WDFY4: variants seen among roughly 807,000 people sequenced by gnomAD.
WDFY4 encodes the protein WD repeat- and FYVE domain-containing protein 4.
In WDFY4, 169 loss-of-function variants were observed where a neutral mutation model predicts 351.9. The observed-to-expected ratio is 0.48, with a 90% CI of 0.42 to 0.55. The LOEUF (loss-of-function observed/expected upper bound fraction) is 0.55, where lower values mean the gene tolerates loss of function less well. Among genes scored for constraint, WDFY4 ranks in the 20% least tolerant of loss-of-function variants. WDFY4 has a pLI of 0.00. For synonymous variants in WDFY4, 1,622 were observed against 1,574.6 expected, an observed-to-expected ratio of 1.03 and a Z score of -0.71; for missense variants, 3,803 against 3,935.6, an observed-to-expected ratio of 0.97 and a Z score of 0.90.
chr10:48,788,328 C>T (rs2066563483), intron 20 of WDFY4, among the ~76,000 whole-genome samples: 2 of 152,108 alleles, frequency 1.3e-5, no homozygotes, highest in Admixed American at 6.6e-5. Flanking sequence ...CATGCCCAGC[C>T]CACGGTTTTC....
chr10:48,890,765 G>A, intron 44 of WDFY4, 38 bp downstream of exon 44: 2 of 1,550,474 alleles, frequency 1.3e-6, no homozygotes, highest in Non-Finnish European at 1.7e-6. Context: ...TCTTCCCTGA[G>A]CCCCATTCAT....
chr10:48,841,187 G>A (rs576263488), intron 39 of WDFY4, among the ~76,000 whole-genome samples: 32 of 152,310 alleles, frequency 2.1e-4, no homozygotes, highest in African/African-American at 7.2e-4. Flanking sequence ...GCTGCTAGTG[G>A]TATATATTAA....
intron 47 of WDFY4, chr10:48,914,007 C>T: frequency 6.2e-7 from 1 of 1,614,212 alleles, no homozygotes. Context: ...GTCCATGTCA[C>T]TAAGGCGCAG....
chr10:48,957,097 G>T, intron 51 of WDFY4, 32 bp from the exon 52 acceptor site: 1 of 1,538,466 alleles, frequency 6.5e-7, no homozygotes. Context: ...GCCAGTGAGA[G>T]CGGCTGGTCA....
Position 48,768,723 on chromosome 10 carries a change from A to AAGAGAGATAGAG in WDFY4, c.2554-5728_2554-5727insTAGAGAGAGAGA, listed in dbSNP as rs1555000838. ...CGGTGTTGTGGGGGTGGGAGAGGAG[A>AAGAGAGATAGAG]AGAGAGAGAGAGAGAGAGAGAGAGA... On this transcript the variant is annotated intron_variant, in intron 13 of 61. Coordinates refer to ENST00000325239, the MANE Select transcript of WDFY4 (RefSeq NM_001394531.1). 9.9e-5 allele frequency among the ~76,000 whole-genome samples: 14 copies of AAGAGAGATAGAG among 141,070 alleles called. No homozygotes were observed. The East Asian group carries it at 3.2e-3, about 33-fold the overall frequency. The allele number at this position is 141,070 out of a possible 152,430, so 92.5% of individuals were successfully genotyped here.
intron 39 of WDFY4, 57 bp from the exon 40 acceptor site, chr10:48,867,208 A>AAATAAAAT (rs2069578709): frequency 1.3e-6 from 1 of 745,920 alleles, no homozygotes; most frequent in Non-Finnish European, 1.9e-6. Flanking sequence ...AAATAAAATA[A>AAATAAAAT]AATAAAATAA....
chr10:48,818,099 GA>G (rs1253520447), intron 32 of WDFY4, among the ~76,000 whole-genome samples: 1 of 152,220 alleles, frequency 6.6e-6, no homozygotes, highest in Non-Finnish European at 1.5e-5. Flanking sequence ...GAGGACTAAA[GA>G]AGAAGGTCAG....
chr10:48,766,602 CCTAAAAA>C (rs1299542115), intron 13 of WDFY4, among the ~76,000 whole-genome samples: 5 of 151,822 alleles, frequency 3.3e-5, no homozygotes, highest in African/African-American at 9.7e-5. Flanking sequence ...TCAAAAAAAA[CCTAAAAA>C]CTAAAAACTA....
chr10:48,901,969 C>G, intron 47 of WDFY4, 106 bp downstream of exon 47: 1 of 1,011,970 alleles, frequency 9.9e-7, no homozygotes, highest in Non-Finnish European at 1.5e-6. Flanking sequence ...GCATGCCCAA[C>G]AGTTTCCCTC....
intron 2 of WDFY4, among the ~76,000 whole-genome samples, chr10:48,712,730 A>G (rs924829056): frequency 2.2e-4 from 34 of 152,232 alleles, no homozygotes; most frequent in African/African-American, 8.2e-4. Context: ...CCCTTGTGTA[A>G]GAAGATAAGC....
intron 57 of WDFY4, among the ~76,000 whole-genome samples, chr10:48,972,558 T>C (rs1842382703): frequency 6.6e-6 from 1 of 152,262 alleles, no homozygotes; most frequent in African/African-American, 2.4e-5. Flanking sequence ...TTTCGATTGT[T>C]TTGTTATGTC....
chr10:48,848,928 C>A (rs538315056), intron 39 of WDFY4, among the ~76,000 whole-genome samples: 1 of 152,210 alleles, frequency 6.6e-6, no homozygotes, highest in Non-Finnish European at 1.5e-5. Context: ...AGCTCTGGTG[C>A]AGGACAGGTG....
chr10:48,729,482 T>C lies in WDFY4; in HGVS notation c.1022T>C (p.Leu341Pro). 2.6e-6 allele frequency: 4 copies of C among 1,551,646 alleles called. No individual in the cohort carries two copies. The highest frequency in any genetic ancestry group is 3.5e-6 in the Non-Finnish European group (4 of 1,146,996). Residue 341 changes from leucine (L) to proline (P), a missense_variant, in exon 8 of 62, where the codon CTT becomes CCT. Leu to Pro is a moderately conservative substitution (Grantham distance 98). Around this residue, in one of 3 missense-constraint regions of WDFY4, gnomAD observed 488 missense variants for 456.8 expected, o/e 1.07. Coordinates refer to ENST00000325239, the MANE Select transcript of WDFY4 (RefSeq NM_001394531.1). ...SEVDPHLEELLGLVVWLTTCG... is the reference protein window; with the variant it reads ...SEVDPHLEELPGLVVWLTTCG... ...GTGGACCCGCATCTGGAGGAGCTCC[T>C]TGGGCTGGTGGTGTGGCTGACAACC...
At chr10:48,685,876 C>T (rs929644650) in intron 1 of WDFY4, among the ~76,000 whole-genome samples, 7 of 133,926 alleles carry the variant, frequency 5.2e-5, no homozygotes, top group African/African-American at 1.1e-4. Flanking sequence ...CAGGGGTCTA[C>T]GGTGCTCAGC....
rs1052556110 is a variant in WDFY4 at position 48,898,398 on chromosome 10, C to T, written c.7437+824C>T. Among the ~76,000 whole-genome samples the T allele has an allele frequency of 3.3e-5, 5 of 151,932 alleles. No individual in the cohort carries two copies. In the South Asian group the frequency reaches 8.3e-4, roughly 25 times the overall value. On this transcript the variant is annotated intron_variant, in intron 45 of 61. Transcript: ENST00000325239. The stretch of plus-strand genomic sequence containing the variant: ...AGGGCAGCTGGCAGAAAAGGGGATC[C>T]TAGGGACCACGTAACAGGAGGGTCA...
intron 4 of WDFY4, among the ~76,000 whole-genome samples, chr10:48,723,181 C>CCCTT (rs1194277952): frequency 8.7e-5 from 13 of 149,134 alleles, no homozygotes; most frequent in African/African-American, 2.7e-4. Context: ...CTCTCTCCCT[C>CCCTT]CCTTCCTTCC....
At chr10:48,828,536 G>A (rs1051361203) in intron 36 of WDFY4, among the ~76,000 whole-genome samples, 3 of 152,152 alleles carry the variant, frequency 2.0e-5, no homozygotes, top group Admixed American at 6.5e-5. Flanking sequence ...TGGCAGCACA[G>A]GTGGGATTTC....
chr10:48,766,434 T>A (rs2065673222), intron 13 of WDFY4, among the ~76,000 whole-genome samples: 1 of 152,014 alleles, frequency 6.6e-6, no homozygotes, highest in Admixed American at 6.6e-5. Flanking sequence ...CAAAAAATTT[T>A]AAAAAATCAG....
At chr10:48,971,920 A>G (rs1842355436) in intron 57 of WDFY4, among the ~76,000 whole-genome samples, 1 of 152,144 alleles carries the variant, frequency 6.6e-6, no homozygotes, top group African/African-American at 2.4e-5. Context: ...CCCATTGCCC[A>G]TTTACAGCTT....
Sources: gnomAD v4.1 joint callset for allele counts (sites outside exome capture counted in the v4.1 genomes callset) on GRCh38, gnomAD v4.1.1 for gene constraint, gnomAD v4.1.1 regional missense constraint, MANE v1.5 for transcripts, NCBI Gene and HGNC (gene_info 2026-07-23, HGNC 2026-07-21) for gene names.